PCDHGB7: variants seen among roughly 807,000 people sequenced by gnomAD.
PCDHGB7 encodes the protein protocadherin gamma-B7.
Under a neutral mutation model 61.4 loss-of-function variants are expected in PCDHGB7, and 37 were observed. The observed-to-expected ratio is 0.60, with a 90% CI of 0.46 to 0.79. The LOEUF (loss-of-function observed/expected upper bound fraction) is 0.79. PCDHGB7 is among the 30% of genes least tolerant of loss of function. The pLI is 0.00. For missense variants in PCDHGB7, 1,166 were observed against 1,202.5 expected, an observed-to-expected ratio of 0.97 and a Z score of 0.45; for synonymous variants, 464 against 503.5, an observed-to-expected ratio of 0.92 and a Z score of 1.05.
intron 1 of PCDHGB7, among the ~76,000 whole-genome samples, chr5:141,438,615 T>C (rs566173071): frequency 5.6e-5 from 2 of 35,920 alleles, no homozygotes; most frequent in Admixed American, 4.1e-4. Flanking sequence ...TATATATATA[T>C]ATATATATAT....
intron 1 of PCDHGB7, chr5:141,442,166 A>G (rs2098306007): frequency 6.4e-6 from 1 of 156,354 alleles, no homozygotes; most frequent in Non-Finnish European, 1.4e-5. Flanking sequence ...TCACTCTGCA[A>G]AGCTACAGCC....
At chr5:141,497,464 TGGA>T (rs769464389) in intron 2 of PCDHGB7, among the ~76,000 whole-genome samples, 3 of 151,764 alleles carry the variant, frequency 2.0e-5, no homozygotes, top group Non-Finnish European at 4.4e-5. Context: ...CTTGGAGATA[TGGA>T]GGAGAAGGTG....
chr5:141,500,554 C>A (rs2099801320), intron 2 of PCDHGB7, among the ~76,000 whole-genome samples: 1 of 152,212 alleles, frequency 6.6e-6, no homozygotes, highest in Admixed American at 6.5e-5. Context: ...AAGTTGTTCA[C>A]AAACTTGTCA....
At chr5:141,423,980 G>A (rs2154550577) in intron 1 of PCDHGB7, 1 of 1,110,878 alleles carries the variant, frequency 9.0e-7, no homozygotes, top group South Asian at 4.5e-5. Flanking sequence ...AGTGTATGAG[G>A]CTCTCAATTT....
At chr5:141,422,480 G>A in intron 1 of PCDHGB7, 2 of 1,613,906 alleles carry the variant, frequency 1.2e-6, no homozygotes, top group South Asian at 2.2e-5. Flanking sequence ...TTGGTCCAGA[G>A]CTACAATATA....
At chr5:141,441,499 GCCT>G (rs1350774469) in intron 1 of PCDHGB7, 5 of 169,932 alleles carry the variant, frequency 2.9e-5, no homozygotes, top group African/African-American at 1.2e-4. Context: ...TTTCTACCAG[GCCT>G]CCTACGTCGT....
Position 141,420,220 on chromosome 5 carries a change from A to G in PCDHGB7, c.2361A>G (p.Leu787=), listed in dbSNP as rs2096478738. 6.2e-7 allele frequency: 1 copy of G among 1,608,142 alleles called. No homozygotes were observed. The highest frequency in any genetic ancestry group is 1.3e-5 in the African/African-American group (1 of 74,766). The change falls in exon 1 of 4, where the codon CTA becomes CTG. Residue 787 remains leucine (L), a synonymous_variant. Coordinates refer to ENST00000398594, the MANE Select transcript of PCDHGB7 (RefSeq NM_018927.4). ...ATAACCTCAACAAAGATAGCATGCTACTGGCTAGCATTTTAACTCCCAGCG... is the reference window on the plus strand; with the variant it reads ...ATAACCTCAACAAAGATAGCATGCTGCTGGCTAGCATTTTAACTCCCAGCG... ...TQDNLNKDSM[L]LASILTPSVE...
chr5:141,424,797 C>G (rs1262781875), intron 1 of PCDHGB7: 1 of 151,908 alleles, frequency 6.6e-6, no homozygotes, highest in Non-Finnish European at 1.5e-5. Flanking sequence ...TTATTCAGAC[C>G]AACTTGTTAT....
intron 1 of PCDHGB7, among the ~76,000 whole-genome samples, chr5:141,474,405 GT>G (rs2099348889): frequency 6.6e-6 from 1 of 152,196 alleles, no homozygotes; most frequent in African/African-American, 2.4e-5. Flanking sequence ...AAGCTCCCCG[GT>G]GATGCCTAGA....
At chr5:141,472,507 T>G (rs919448316) in intron 1 of PCDHGB7, among the ~76,000 whole-genome samples, 2 of 151,872 alleles carry the variant, frequency 1.3e-5, no homozygotes, top group African/African-American at 4.8e-5. Context: ...GCCACTGCAC[T>G]CCAGCCTGGG....
Position 141,489,601 on chromosome 5 carries a change from G to A in PCDHGB7, c.2416-5206G>A. On this transcript the variant is annotated intron_variant, in intron 1 of 3. Transcript: ENST00000398594. This position sits in a 1 kb window ranked among gnomAD's most constrained non-coding sequence, Gnocchi z 4.5. ...CCCCCTGGAGCTAATCCGTGTAGAG[G>A]TAGAGATCCTGGATCTCAATGACAA... 2 of 1,614,042 alleles carry A rather than the reference G, an allele frequency of 1.2e-6. No individual in the cohort carries two copies. Among genetic ancestry groups the A allele is most frequent in the East Asian group, 4.5e-5 (2 of 44,882 alleles).
At chr5:141,498,679 C>G (rs1454800332) in intron 2 of PCDHGB7, among the ~76,000 whole-genome samples, 1 of 152,170 alleles carries the variant, frequency 6.6e-6, no homozygotes, top group Admixed American at 6.5e-5. Flanking sequence ...CGCCTGTAAT[C>G]CCAGCACTTT....
rs9324852 is a variant in PCDHGB7, at chr5:141,510,333, C to T, written c.2564-614C>T. On this transcript the variant is annotated intron_variant, in intron 3 of 3. Coordinates refer to ENST00000398594, the MANE Select transcript of PCDHGB7 (RefSeq NM_018927.4). ...AGGCTTGGAAGAGCACTCTTCACCC[C>T]CACCCCACACACTTACTAACGGAAC... Among the ~76,000 whole-genome samples the T allele has an allele frequency of 2.4e-3, 367 of 151,698 alleles. 1 individual carries two copies. Among genetic ancestry groups the T allele is most frequent in the African/African-American group, 8.4e-3 (348 of 41,384 alleles).
In PCDHGB7 at chr5:141,477,176, G is replaced by C. The variant is rs766547728; in HGVS notation, c.2416-17631G>C. On this transcript the variant is annotated intron_variant, in intron 1 of 3. Coordinates refer to ENST00000398594, the MANE Select transcript of PCDHGB7 (RefSeq NM_018927.4). This position sits in a 1 kb window ranked among gnomAD's most constrained non-coding sequence, Gnocchi z 4.9. ...GAATGACAACGCCCCGGAGATCACAGTCACCTCCGTGTACAGCCCAGTACC... is the reference window on the plus strand; with the variant it reads ...GAATGACAACGCCCCGGAGATCACACTCACCTCCGTGTACAGCCCAGTACC... The C allele has an allele frequency of 1.2e-6, 2 of 1,614,206 alleles. No individual in the cohort carries two copies. The highest frequency in any genetic ancestry group is 3.3e-5 in the Admixed American group (2 of 60,024).
intron 1 of PCDHGB7, chr5:141,428,239 G>T (rs1183885220): frequency 3.0e-6 from 3 of 997,526 alleles, no homozygotes; most frequent in Non-Finnish European, 4.6e-6. Flanking sequence ...CCTGCAGGAG[G>T]CACTGCCAGA....
intron 1 of PCDHGB7, chr5:141,478,160 GC>G (rs764598056): frequency 1.9e-6 from 3 of 1,613,964 alleles, no homozygotes; most frequent in Non-Finnish European, 2.5e-6. Flanking sequence ...CTCTGGCTCT[GC>G]CCCCCGGGAG....
chr5:141,472,865 A>G (rs1329594490), intron 1 of PCDHGB7, among the ~76,000 whole-genome samples: 3 of 149,558 alleles, frequency 2.0e-5, no homozygotes, highest in Non-Finnish European at 4.5e-5. Flanking sequence ...ACATGCCTGT[A>G]TTCCCAGCTA....
intron 1 of PCDHGB7, chr5:141,441,144 T>C (rs141609485): frequency 6.6e-6 from 1 of 152,296 alleles, no homozygotes; most frequent in African/African-American, 2.4e-5. Context: ...TAGAAGATAA[T>C]GACAATATCC....
intron 1 of PCDHGB7, among the ~76,000 whole-genome samples, chr5:141,450,812 T>A (rs2098694727): frequency 7.5e-6 from 1 of 133,924 alleles, no homozygotes; most frequent in Admixed American, 7.4e-5. Context: ...ATTTATTTAT[T>A]TAATATTATT....
Sources: allele counts gnomAD v4.1 joint callset (sites outside exome capture counted in the v4.1 genomes callset), GRCh38; gene constraint gnomAD v4.1.1; non-coding constraint Gnocchi (gnomAD v3.1); transcripts MANE v1.5; gene names NCBI Gene and HGNC (gene_info 2026-07-23, HGNC 2026-07-21).